Variants in PIP4K2A observed in about 807,000 individuals in gnomAD.
The protein encoded by PIP4K2A is phosphatidylinositol-5-phosphate 4-kinase type 2 alpha.
Under a neutral mutation model 42.9 loss-of-function variants are expected in PIP4K2A, and 14 were observed. That is an observed-to-expected ratio of 0.33 (90% confidence interval 0.22 to 0.51). PIP4K2A has a LOEUF of 0.51. PIP4K2A is among the 20% of genes least tolerant of loss of function. The pLI is 0.97. For synonymous variants in PIP4K2A, 192 were observed against 192.2 expected (o/e 1.00, Z 0.01); for missense variants, 434 against 519.8 (o/e 0.83, Z 1.61).
chr10:22,663,316 C>G lies in PIP4K2A; in HGVS notation c.144+50867G>C, dbSNP rs548346712. ...TAGTTGAAATAATGTATGCCAAGAA[C>G]TGGCATACAATTAGAGCCTAATAAA... On this transcript the variant is annotated intron_variant, in intron 1 of 9. Transcript: ENST00000376573. 6.6e-4 allele frequency among the ~76,000 whole-genome samples: 101 copies of G among 152,340 alleles called. No homozygotes were observed. In the South Asian group the frequency reaches 0.02, roughly 31 times the overall value.
intron 1 of PIP4K2A, among the ~76,000 whole-genome samples, chr10:22,676,859 G>A (rs1473697086): frequency 6.6e-6 from 1 of 152,172 alleles, no homozygotes; most frequent in Non-Finnish European, 1.5e-5. Context: ...CCACAGGGGA[G>A]AAAGGCTTAG....
At chr10:22,569,875 A>AAT (rs1836942336) in intron 5 of PIP4K2A, among the ~76,000 whole-genome samples, 1 of 152,228 alleles carries the variant, frequency 6.6e-6, no homozygotes, top group African/African-American at 2.4e-5. Context: ...GCCATGAAAC[A>AAT]ATGCCAGATG....
chr10:22,654,026 G>T (rs543343735), intron 1 of PIP4K2A, among the ~76,000 whole-genome samples: 1 of 152,288 alleles, frequency 6.6e-6, no homozygotes, highest in Non-Finnish European at 1.5e-5. Context: ...GTTTTTTGGT[G>T]AGTGCAGCAG....
intron 1 of PIP4K2A, among the ~76,000 whole-genome samples, chr10:22,704,265 G>A (rs1833769054): frequency 1.3e-5 from 2 of 152,162 alleles, no homozygotes; most frequent in African/African-American, 2.4e-5. Context: ...CCTAAGGAGT[G>A]GCTAGTGAAG....
chr10:22,575,706 A>G (rs945795597), intron 4 of PIP4K2A, among the ~76,000 whole-genome samples: 3 of 152,064 alleles, frequency 2.0e-5, no homozygotes, highest in Non-Finnish European at 4.4e-5. Context: ...TTTGGAGGCC[A>G]AGGCAGGTGG....
intron 3 of PIP4K2A, among the ~76,000 whole-genome samples, chr10:22,605,194 T>C (rs921030159): frequency 6.7e-6 from 1 of 150,238 alleles, no homozygotes; most frequent in Non-Finnish European, 1.5e-5. Flanking sequence ...TTTTTCTTTC[T>C]TTTTTTTCTT....
intron 7 of PIP4K2A, among the ~76,000 whole-genome samples, 183 bp downstream of exon 7, chr10:22,550,476 G>C (rs1428719970): frequency 6.6e-6 from 1 of 152,150 alleles, no homozygotes; most frequent in Non-Finnish European, 1.5e-5. Flanking sequence ...TGCTAAACTG[G>C]CATGCGTTTG....
At chr10:22,622,665 C>T (rs1183082700) in intron 1 of PIP4K2A, among the ~76,000 whole-genome samples, 1 of 152,258 alleles carries the variant, frequency 6.6e-6, no homozygotes, top group Non-Finnish European at 1.5e-5. Context: ...CGCCACTCCA[C>T]ATACCCGGGA....
chr10:22,694,013 T>C (rs1159172647), intron 1 of PIP4K2A: 16 of 152,260 alleles, frequency 1.1e-4, no homozygotes, highest in Admixed American at 3.3e-4. Context: ...ACTGGCTGGA[T>C]GCAGAGCCCA....
Position 22,536,241 on chromosome 10 carries a change from G to A in PIP4K2A, c.*960C>T. ...AATTGAGAGTTTTGATGCTTTGCTGGTTTTCCCACAGTGGGAGATGTAGAT... is the reference window on the plus strand; with the variant it reads ...AATTGAGAGTTTTGATGCTTTGCTGATTTTCCCACAGTGGGAGATGTAGAT... On this transcript the variant is annotated 3_prime_UTR_variant, in exon 10 of 10. Coordinates refer to ENST00000376573, the MANE Select transcript of PIP4K2A (RefSeq NM_005028.5). 1 of 397,266 alleles carries A rather than the reference G, an allele frequency of 2.5e-6. No homozygotes were observed. Among genetic ancestry groups the A allele is most frequent in the Non-Finnish European group, 4.4e-6 (1 of 225,522 alleles). The allele number at this position is 397,266 out of a possible 1,614,324, so 24.6% of individuals were successfully genotyped here.
chr10:22,575,843 C>T (rs1372587327), intron 4 of PIP4K2A, among the ~76,000 whole-genome samples: 1 of 151,562 alleles, frequency 6.6e-6, no homozygotes, highest in African/African-American at 2.4e-5. Flanking sequence ...GAGGCTGAGG[C>T]AGAAGAACTA....
intron 6 of PIP4K2A, among the ~76,000 whole-genome samples, chr10:22,557,699 A>T (rs1016489170): frequency 3.3e-5 from 5 of 152,242 alleles, no homozygotes; most frequent in Admixed American, 3.3e-4. Context: ...TTGAAACATT[A>T]AACAGAATTC....
chr10:22,580,908 C>T (rs1019128306), intron 4 of PIP4K2A, among the ~76,000 whole-genome samples: 8 of 152,198 alleles, frequency 5.3e-5, no homozygotes, highest in South Asian at 2.1e-4. Context: ...TGCTCTAATG[C>T]GGCCCGGGAG....
intron 6 of PIP4K2A, among the ~76,000 whole-genome samples, chr10:22,566,794 C>G (rs1021435244): frequency 6.6e-6 from 1 of 152,212 alleles, no homozygotes; most frequent in Non-Finnish European, 1.5e-5. Flanking sequence ...CCTGCCCAGC[C>G]TGAGCCAGGC....
Position 22,653,150 on chromosome 10 carries a change from T to C in PIP4K2A, c.145-43433A>G, listed in dbSNP as rs192842659. On this transcript the variant is annotated intron_variant, in intron 1 of 9. Coordinates refer to ENST00000376573, the MANE Select transcript of PIP4K2A (RefSeq NM_005028.5). ...CGGGGGTATGAATCATACTGTACAC[T>C]AAGTTAAGGGCCACTCTACCAAAGA... 2.0e-3 allele frequency among the ~76,000 whole-genome samples: 302 copies of C among 152,168 alleles called. 2 individuals carry two copies. Among genetic ancestry groups the C allele is most frequent in the African/African-American group, 6.6e-3 (274 of 41,502 alleles).
intron 7 of PIP4K2A, among the ~76,000 whole-genome samples, chr10:22,547,871 AGCATG>A (rs1836295684): frequency 6.6e-6 from 1 of 152,252 alleles, no homozygotes; most frequent in African/African-American, 2.4e-5. Flanking sequence ...GAAAATACCC[AGCATG>A]GCATAGGAAT....
At chr10:22,644,173 A>G (rs1838835218) in intron 1 of PIP4K2A, among the ~76,000 whole-genome samples, 1 of 152,182 alleles carries the variant, frequency 6.6e-6, no homozygotes, top group East Asian at 1.9e-4. Context: ...CCACGCACAG[A>G]GTAGCACCTC....
intron 1 of PIP4K2A, among the ~76,000 whole-genome samples, chr10:22,618,361 A>G (rs1838225983): frequency 6.6e-6 from 1 of 152,194 alleles, no homozygotes. Context: ...CCTGAGGTTC[A>G]TTCGCTTTAA....
intron 1 of PIP4K2A, among the ~76,000 whole-genome samples, chr10:22,611,665 A>G (rs1838043051): frequency 6.6e-6 from 1 of 152,254 alleles, no homozygotes; most frequent in Non-Finnish European, 1.5e-5. Context: ...TTACTCAAGC[A>G]TCTTATGATA....
Sources: gnomAD v4.1 joint callset for allele counts (sites outside exome capture counted in the v4.1 genomes callset) on GRCh38, gnomAD v4.1.1 for gene constraint, MANE v1.5 for transcripts, NCBI Gene and HGNC (gene_info 2026-07-23, HGNC 2026-07-21) for gene names.